ACSS3: variants seen among roughly 807,000 people sequenced by gnomAD.
ACSS3 encodes the protein acyl-CoA synthetase short-chain family member 3, mitochondrial.
ACSS3 carries 64 observed loss-of-function variants against 84.2 expected under a neutral mutation model. The observed-to-expected ratio is 0.76, with a 90% CI of 0.62 to 0.94. ACSS3 has a LOEUF of 0.94. Ranked by LOEUF, ACSS3 falls within the 40% of genes least tolerant of loss-of-function variation. ACSS3 has a pLI of 0.00. For synonymous variants in ACSS3, 317 were observed against 310.1 expected, an observed-to-expected ratio of 1.02 and a Z score of -0.23; for missense variants, 815 against 867.6, an observed-to-expected ratio of 0.94 and a Z score of 0.76.
chr12:81,188,477 C>T (rs1444272120), intron 8 of ACSS3, among the ~76,000 whole-genome samples: 1 of 152,004 alleles, frequency 6.6e-6, no homozygotes, highest in Non-Finnish European at 1.5e-5. Flanking sequence ...AGCACATATC[C>T]TGCATCGCAG....
chr12:81,094,184 C>CTCTGTG (rs139182584), intron 1 of ACSS3, among the ~76,000 whole-genome samples: 19 of 146,758 alleles, frequency 1.3e-4, no homozygotes, highest in Middle Eastern at 3.4e-3. Flanking sequence ...GTCTCTCTCT[C>CTCTGTG]TGTGTGTGTG....
At chr12:81,105,220 A>G (rs1343321571) in intron 1 of ACSS3, among the ~76,000 whole-genome samples, 1 of 151,940 alleles carries the variant, frequency 6.6e-6, no homozygotes, top group Non-Finnish European at 1.5e-5. Context: ...TCAAGGAACA[A>G]TTATGAACAC....
intron 1 of ACSS3, among the ~76,000 whole-genome samples, chr12:81,105,102 A>G (rs1368202606): frequency 6.6e-6 from 1 of 152,222 alleles, no homozygotes; most frequent in African/African-American, 2.4e-5. Flanking sequence ...CAGAATCAGG[A>G]ACATTTCACT....
intron 8 of ACSS3, among the ~76,000 whole-genome samples, chr12:81,192,397 A>G (rs2031619835): frequency 6.6e-6 from 1 of 152,146 alleles, no homozygotes; most frequent in Non-Finnish European, 1.5e-5. Context: ...AAGCAAACAA[A>G]CAAACAAAAA....
chr12:81,210,199 A>T (rs1247360701), intron 9 of ACSS3, among the ~76,000 whole-genome samples: 1 of 152,120 alleles, frequency 6.6e-6, no homozygotes, highest in African/African-American at 2.4e-5. Context: ...CTTCCCTTTT[A>T]TAAGAGAAAC....
chr12:81,260,703 C>A lies in ACSS3; in HGVS notation c.*5781C>A, dbSNP rs1161789338. On this transcript the variant is annotated 3_prime_UTR_variant, in exon 16 of 16. Transcript: ENST00000548058. ...TGCTCCCATCCTAAGCCCAAAAGAC[C>A]AACAATAAATTGTGTGGCACTTTTA... The A allele has an allele frequency of 6.6e-6, 1 of 152,086 alleles. No homozygotes were observed. Among genetic ancestry groups the A allele is most frequent in the Non-Finnish European group, 1.5e-5 (1 of 68,016 alleles). The allele number at this position is 152,086 out of a possible 1,614,324, so 9.4% of individuals were successfully genotyped here.
intron 1 of ACSS3, among the ~76,000 whole-genome samples, chr12:81,102,573 A>G (rs985045854): frequency 1.3e-5 from 2 of 152,024 alleles, no homozygotes; most frequent in Non-Finnish European, 2.9e-5. Context: ...CTGTAATACC[A>G]CCATTTTGGG....
intron 3 of ACSS3, among the ~76,000 whole-genome samples, chr12:81,136,152 T>C (rs1302198310): frequency 6.6e-6 from 1 of 152,154 alleles, no homozygotes; most frequent in Non-Finnish European, 1.5e-5. Flanking sequence ...AGTGAGTCTG[T>C]TGTGAAATAT....
intron 3 of ACSS3, 29 bp downstream of exon 3, chr12:81,135,033 A>T (rs1432270667): frequency 6.5e-7 from 1 of 1,533,840 alleles, no homozygotes; most frequent in Admixed American, 1.8e-5. Flanking sequence ...GAAATCAAGT[A>T]GTAGCTATGT....
intron 8 of ACSS3, among the ~76,000 whole-genome samples, chr12:81,176,175 A>G (rs2030463185): frequency 6.6e-6 from 1 of 152,240 alleles, no homozygotes; most frequent in African/African-American, 2.4e-5. Flanking sequence ...ATTAGCATTG[A>G]TTCAACAGAA....
intron 9 of ACSS3, among the ~76,000 whole-genome samples, chr12:81,208,413 T>C (rs1398683834): frequency 6.6e-6 from 1 of 152,012 alleles, no homozygotes; most frequent in Non-Finnish European, 1.5e-5. Flanking sequence ...TCTAGTTTCC[T>C]TTAACTTTTG....
intron 8 of ACSS3, among the ~76,000 whole-genome samples, chr12:81,187,440 T>C (rs985653506): frequency 6.6e-6 from 1 of 151,896 alleles, no homozygotes; most frequent in Admixed American, 6.6e-5. Context: ...TCTTATCTAC[T>C]GCACAAATAT....
At chr12:81,124,780 A>G (rs1046393005) in intron 2 of ACSS3, among the ~76,000 whole-genome samples, 8 of 151,956 alleles carry the variant, frequency 5.3e-5, no homozygotes, top group African/African-American at 2.4e-5. Flanking sequence ...ATCCACACCC[A>G]TTGTTTTCTC....
At chr12:81,093,661 A>T (rs1881823395) in intron 1 of ACSS3, among the ~76,000 whole-genome samples, 1 of 151,950 alleles carries the variant, frequency 6.6e-6, no homozygotes, top group African/African-American at 2.4e-5. Context: ...TAATGCAAAG[A>T]GTTCATTTGT....
At chr12:81,245,084 C>A (rs1565741975) in intron 13 of ACSS3, among the ~76,000 whole-genome samples, 1 of 152,090 alleles carries the variant, frequency 6.6e-6, no homozygotes, top group Non-Finnish European at 1.5e-5. Flanking sequence ...ATTCTGTACT[C>A]CTATGATTAA....
At chr12:81,125,040 C>G (rs1335103787) in intron 2 of ACSS3, among the ~76,000 whole-genome samples, 2 of 152,136 alleles carry the variant, frequency 1.3e-5, no homozygotes, top group African/African-American at 4.8e-5. Flanking sequence ...CGGTGAAACC[C>G]TGTCTCTACT....
intron 11 of ACSS3, among the ~76,000 whole-genome samples, chr12:81,229,835 T>C (rs1392876070): frequency 6.6e-6 from 1 of 151,904 alleles, no homozygotes; most frequent in Non-Finnish European, 1.5e-5. Context: ...GCAGGATCAC[T>C]ACTGGGAGGC....
intron 7 of ACSS3, among the ~76,000 whole-genome samples, chr12:81,165,383 T>C (rs1172409766): frequency 6.6e-6 from 1 of 152,144 alleles, no homozygotes. Flanking sequence ...CAGTGGCTCA[T>C]GCCTGTAATC....
Position 81,192,443 on chromosome 12 carries a change from C to A in ACSS3, c.1251-6898C>A, listed in dbSNP as rs1471739991. 2.0e-5 allele frequency among the ~76,000 whole-genome samples: 3 copies of A among 152,068 alleles called. 1 individual carries two copies. The highest frequency in any genetic ancestry group is 1.3e-4 in the Admixed American group (2 of 15,262). ...AAAAGAAAATAGCTATATTGAGATA[C>A]CAGATGTTTTAATATCCCCACAGAG... On this transcript the variant is annotated intron_variant, in intron 8 of 15. Transcript: ENST00000548058.
Sources: allele counts gnomAD v4.1 joint callset (sites outside exome capture counted in the v4.1 genomes callset), GRCh38; gene constraint gnomAD v4.1.1; transcripts MANE v1.5; gene names NCBI Gene and HGNC (gene_info 2026-07-23, HGNC 2026-07-21).